The following C9 variants were observed in gnomAD, a reference collection of about 807,000 sequenced individuals.
C9 encodes the protein complement component C9.
C9 carries 63 observed loss-of-function variants against 65.4 expected under a neutral mutation model. The ratio of observed to expected loss-of-function variants is 0.96; its 90% CI spans 0.79 to 1.19. The LOEUF (loss-of-function observed/expected upper bound fraction) is 1.19, where lower values mean the gene tolerates loss of function less well. Ranked by LOEUF, C9 falls within the 50% of genes most tolerant of loss-of-function variation. The pLI, the probability that C9 is intolerant of heterozygous loss-of-function variation, is 0.00. For synonymous variants in C9, 229 were observed against 227.9 expected, an observed-to-expected ratio of 1.00 and a Z score of -0.04; for missense variants, 744 against 670.1, an observed-to-expected ratio of 1.11 and a Z score of -1.22.
At chr5:39,344,252 T>C (rs535079183) in intron 1 of C9, among the ~76,000 whole-genome samples, 147 of 152,214 alleles carry the variant, frequency 9.7e-4, no homozygotes, top group African/African-American at 3.3e-3. Context: ...TCGAACCCAA[T>C]GCAAAGAAGC....
intron 10 of C9, 142 bp from the exon 11 acceptor site, chr5:39,285,375 G>A (rs2111827885): frequency 1.4e-6 from 1 of 721,772 alleles, no homozygotes; most frequent in Non-Finnish European, 2.6e-6. Context: ...AGAATGTGGT[G>A]TAAGGTACAA....
Position 39,296,230 on chromosome 5 carries a change from G to A in C9, c.1417-7279C>T, listed in dbSNP as rs148607260. ...GTACAGCAAATAAAACAATCAACAC[G>A]TGACCTGCAGAATGGGGAAAAATAT... On this transcript the variant is annotated intron_variant, in intron 9 of 10. Transcript: ENST00000263408. Among the ~76,000 whole-genome samples, 51 of 151,402 alleles carry A rather than the reference G, an allele frequency of 3.4e-4. No individual in the cohort carries two copies. The South Asian group carries it at 6.0e-3, about 18-fold the overall frequency.
intron 5 of C9, among the ~76,000 whole-genome samples, chr5:39,321,358 A>G (rs1304779007): frequency 1.3e-5 from 2 of 152,122 alleles, no homozygotes; most frequent in South Asian, 2.1e-4. Flanking sequence ...TATTATAACT[A>G]TAGATATTTT....
At chr5:39,308,975 T>A (rs994846398) in intron 7 of C9, among the ~76,000 whole-genome samples, 4 of 152,160 alleles carry the variant, frequency 2.6e-5, no homozygotes, top group African/African-American at 9.6e-5. Context: ...ATCCTTAATG[T>A]AGCTGGTTCA....
chr5:39,288,996 G>A, intron 9 of C9, 45 bp from the exon 10 acceptor site: 2 of 1,034,342 alleles, frequency 1.9e-6, no homozygotes, highest in Non-Finnish European at 1.5e-6. Flanking sequence ...TTTTAACTGA[G>A]AGAACTTGTA....
chr5:39,316,655 A>G (rs1282321387), intron 5 of C9, among the ~76,000 whole-genome samples: 1 of 152,160 alleles, frequency 6.6e-6, no homozygotes, highest in Non-Finnish European at 1.5e-5. Context: ...GCTCCATCCA[A>G]GTCCCTGCAA....
At chr5:39,356,076 T>C (rs1754409051) in intron 1 of C9, among the ~76,000 whole-genome samples, 1 of 152,234 alleles carries the variant, frequency 6.6e-6, no homozygotes, top group Admixed American at 6.5e-5. Flanking sequence ...TAAATGATTT[T>C]GATTAAGTAA....
chr5:39,322,972 T>C (rs1315104593), intron 5 of C9, among the ~76,000 whole-genome samples: 2 of 152,066 alleles, frequency 1.3e-5, no homozygotes, highest in East Asian at 1.9e-4. Context: ...TCCTCATAGA[T>C]ACTGAGGGAC....
At chr5:39,303,321 C>T (rs895535633) in intron 9 of C9, among the ~76,000 whole-genome samples, 4 of 151,964 alleles carry the variant, frequency 2.6e-5, no homozygotes, top group Non-Finnish European at 5.9e-5. Context: ...CAGCCTATGT[C>T]CTCTGCATGG....
Position 39,285,042 on chromosome 5 carries a change from A to T in C9, c.*157T>A, listed in dbSNP as rs903092983. 4.4e-5 allele frequency: 28 copies of T among 641,932 alleles called. No individual in the cohort carries two copies. The highest frequency in any genetic ancestry group is 7.5e-5 in the Non-Finnish European group (27 of 361,778). The allele number at this position is 641,932 out of a possible 1,614,324, so 39.8% of individuals were successfully genotyped here. A position where few individuals can be genotyped will look rare whatever the true frequency, so the allele number is the denominator to read the frequency against. On this transcript the variant is annotated 3_prime_UTR_variant, in exon 11 of 11. Transcript: ENST00000263408. ...GAGTTTAAGGAAGAAAAATTTAAAA[A>T]AAAATTATAGACCTAAGAGAGAAGA... is the stretch of plus-strand genomic sequence containing the variant.
In C9 at chr5:39,355,813, T is replaced by G. The variant is rs1326037306; in HGVS notation, c.77+8575A>C. Among the ~76,000 whole-genome samples the G allele has an allele frequency of 2.6e-5, 4 of 152,224 alleles. No individual in the cohort carries two copies. In the East Asian group the frequency reaches 7.7e-4, roughly 29 times the overall value. On this transcript the variant is annotated intron_variant, in intron 1 of 10. Coordinates refer to ENST00000263408, the MANE Select transcript of C9 (RefSeq NM_001737.5). ...TTCTGAGGTCCCACTCCTTGGCTTG[T>G]AGATGGCCATCTTCTCCCTGTGTCT...
chr5:39,322,950 C>A (rs1052807649), intron 5 of C9, among the ~76,000 whole-genome samples: 2 of 151,966 alleles, frequency 1.3e-5, no homozygotes, highest in African/African-American at 2.4e-5. Flanking sequence ...TGTGAGTGGT[C>A]CTGGGACCAA....
At chr5:39,353,759 T>C (rs571939200) in intron 1 of C9, among the ~76,000 whole-genome samples, 10 of 149,734 alleles carry the variant, frequency 6.7e-5, no homozygotes, top group African/African-American at 9.6e-5. Context: ...AAAGTAAGAG[T>C]TTACATTTTA....
In C9 at chr5:39,341,549, AG is replaced by A; in HGVS notation, c.328+6del. ...GCCACAATGAGCAATTCAAGCACAA[AG>A]ATTACCTGTACTGCATTGAAAGTCA... On this transcript the variant is annotated splice_donor_region_variant and intron_variant, in intron 3 of 10. Transcript: ENST00000263408. 6.2e-7 allele frequency: 1 copy of A among 1,613,862 alleles called. No homozygotes were observed.
chr5:39,343,404 C>T (rs1386492360), intron 1 of C9, among the ~76,000 whole-genome samples: 6 of 152,190 alleles, frequency 3.9e-5, no homozygotes, highest in Non-Finnish European at 7.3e-5. Context: ...TCAGAGGGTC[C>T]CAGGCCCATG....
At chr5:39,364,301 T>C in intron 1 of C9, 87 bp downstream of exon 1, 2 of 776,106 alleles carry the variant, frequency 2.6e-6, no homozygotes, top group Non-Finnish European at 4.7e-6. Flanking sequence ...TGGATTAACA[T>C]TGTCATGTAC....
In C9 at chr5:39,305,659, T is replaced by A. The variant is rs563096824; in HGVS notation, c.1416+958A>T. On this transcript the variant is annotated intron_variant, in intron 9 of 10. Coordinates refer to ENST00000263408, the MANE Select transcript of C9 (RefSeq NM_001737.5). ...TTTAGGCAGCTTGGGGAAAGAAAGA[T>A]GAGGCTAAATAACATTGTCATTTAT... Among the ~76,000 whole-genome samples, 16 of 152,192 alleles carry A rather than the reference T, an allele frequency of 1.1e-4. No individual in the cohort carries two copies. The East Asian group carries it at 2.9e-3, about 28-fold the overall frequency.
intron 4 of C9, among the ~76,000 whole-genome samples, chr5:39,337,061 A>G (rs1283866984): frequency 1.3e-5 from 2 of 152,102 alleles, no homozygotes; most frequent in East Asian, 3.8e-4. Context: ...AGTAAGAAGT[A>G]AGTGATTGTT....
rs1753045554 is a variant in C9 at position 39,289,174 on chromosome 5, AAAT to A, written c.1417-226_1417-224del. On this transcript the variant is annotated intron_variant, in intron 9 of 10. Transcript: ENST00000263408. Reference sequence around the variant, plus strand: ...GGAGTTAAGGAGGCTGATATTAATAAAATAATGATGCATAAATTTCAAATAGAA... The same window carrying A: ...GGAGTTAAGGAGGCTGATATTAATAAAATGATGCATAAATTTCAAATAGAA... Among the ~76,000 whole-genome samples the A allele has an allele frequency of 9.9e-5, 15 of 151,980 alleles. No individual in the cohort carries two copies. In the South Asian group the frequency reaches 3.1e-3, roughly 31 times the overall value.
Sources: allele counts gnomAD v4.1 joint callset (sites outside exome capture counted in the v4.1 genomes callset), GRCh38; gene constraint gnomAD v4.1.1; transcripts MANE v1.5; gene names NCBI Gene and HGNC (gene_info 2026-07-23, HGNC 2026-07-21).